Variants in KCNMB2 observed in about 807,000 individuals in gnomAD.
The protein encoded by KCNMB2 is calcium-activated potassium channel subunit beta-2.
In KCNMB2, 9 loss-of-function variants were observed where a neutral mutation model predicts 24.5. The ratio of observed to expected loss-of-function variants is 0.37; its 90% CI spans 0.22 to 0.64. KCNMB2 has a LOEUF of 0.64. Among genes scored for constraint, KCNMB2 ranks in the 30% least tolerant of loss-of-function variants. The pLI is 0.63. For missense variants in KCNMB2, 226 were observed against 284.3 expected (o/e 0.79, Z 1.47); for synonymous variants, 109 against 104.4 (o/e 1.04, Z -0.27).
intron 1 of KCNMB2, among the ~76,000 whole-genome samples, chr3:178,765,081 C>T (rs986833600): frequency 6.6e-6 from 1 of 152,198 alleles, no homozygotes; most frequent in Admixed American, 6.5e-5. Flanking sequence ...ACAGTGTGAA[C>T]ACATCCAAGC....
chr3:178,698,643 G>C (rs1721971415), intron 1 of KCNMB2, among the ~76,000 whole-genome samples: 1 of 152,176 alleles, frequency 6.6e-6, no homozygotes, highest in Non-Finnish European at 1.5e-5. Flanking sequence ...GCTCAGTTCA[G>C]AACCCTTGCC....
chr3:178,617,151 GAATT>G (rs748800536), intron 1 of KCNMB2, among the ~76,000 whole-genome samples: 4 of 152,236 alleles, frequency 2.6e-5, no homozygotes, highest in Admixed American at 6.5e-5. Flanking sequence ...CTACCACTCA[GAATT>G]AATTATTACT....
intron 1 of KCNMB2, among the ~76,000 whole-genome samples, chr3:178,615,122 G>C (rs1718658339): frequency 6.6e-6 from 1 of 152,226 alleles, no homozygotes; most frequent in African/African-American, 2.4e-5. Context: ...AAAGCAAACA[G>C]AGTCTCTTTC....
At chr3:178,634,951 C>T (rs1320440885) in intron 1 of KCNMB2, among the ~76,000 whole-genome samples, 1 of 152,112 alleles carries the variant, frequency 6.6e-6, no homozygotes, top group Admixed American at 6.5e-5. Context: ...TGCAAGGGTA[C>T]AAGTCTGAGT....
intron 1 of KCNMB2, among the ~76,000 whole-genome samples, chr3:178,647,798 G>A (rs1042218253): frequency 3.9e-5 from 6 of 152,062 alleles, no homozygotes; most frequent in African/African-American, 1.4e-4. Flanking sequence ...ACGTGGACAC[G>A]ATTCTGGACA....
At chr3:178,574,934 G>A (rs1466803182) in intron 1 of KCNMB2, among the ~76,000 whole-genome samples, 2 of 152,056 alleles carry the variant, frequency 1.3e-5, no homozygotes, top group South Asian at 4.1e-4. Context: ...CAGGCATGGT[G>A]GTGCATACCT....
chr3:178,576,244 C>G (rs983901858), intron 1 of KCNMB2, among the ~76,000 whole-genome samples: 1 of 151,964 alleles, frequency 6.6e-6, no homozygotes, highest in Admixed American at 6.6e-5. Context: ...GCACAAGAGG[C>G]TGGGGAACTC....
chr3:178,810,946 G>C (rs1714167603), intron 2 of KCNMB2, among the ~76,000 whole-genome samples: 1 of 145,250 alleles, frequency 6.9e-6, no homozygotes, highest in Non-Finnish European at 1.5e-5. Flanking sequence ...TAGAGACGGG[G>C]CTTCACCATG....
chr3:178,542,819 A>G (rs1323453122), intron 1 of KCNMB2, among the ~76,000 whole-genome samples: 1 of 152,206 alleles, frequency 6.6e-6, no homozygotes, highest in African/African-American at 2.4e-5. Flanking sequence ...ATAATGGAGT[A>G]TTAGAAAACC....
At chr3:178,809,672 T>C (rs372605605) in intron 2 of KCNMB2, among the ~76,000 whole-genome samples, 3 of 152,240 alleles carry the variant, frequency 2.0e-5, no homozygotes, top group African/African-American at 7.2e-5. Flanking sequence ...AGTTGGATAT[T>C]GCATATCAAA....
intron 1 of KCNMB2, among the ~76,000 whole-genome samples, chr3:178,759,874 CTA>C (rs1235431108): frequency 6.8e-4 from 2 of 2,928 alleles, no homozygotes; most frequent in Non-Finnish European, 1.1e-3. Flanking sequence ...GAGGATATAT[CTA>C]TATATATATA....
At chr3:178,646,461 C>T (rs1027423931) in intron 1 of KCNMB2, among the ~76,000 whole-genome samples, 3 of 152,172 alleles carry the variant, frequency 2.0e-5, no homozygotes, top group Admixed American at 6.5e-5. Context: ...ACAGACTGAA[C>T]CTCTCAGGGA....
At chr3:178,768,027 T>G (rs1430228696) in intron 1 of KCNMB2, among the ~76,000 whole-genome samples, 1 of 152,172 alleles carries the variant, frequency 6.6e-6, no homozygotes, top group Non-Finnish European at 1.5e-5. Context: ...AGTCTTTTTT[T>G]TTTTTCCAGG....
intron 1 of KCNMB2, among the ~76,000 whole-genome samples, chr3:178,633,605 T>A (rs1439113999): frequency 6.6e-6 from 1 of 152,162 alleles, no homozygotes; most frequent in East Asian, 1.9e-4. Flanking sequence ...GGTGGGCACC[T>A]GTACCTGCCC....
chr3:178,754,823 T>C (rs1468677752), intron 1 of KCNMB2, among the ~76,000 whole-genome samples: 2 of 152,214 alleles, frequency 1.3e-5, no homozygotes, highest in Non-Finnish European at 2.9e-5. Context: ...CTGGTTGGGA[T>C]GGCATAGACC....
At chr3:178,691,566 T>C (rs1461510983) in intron 1 of KCNMB2, among the ~76,000 whole-genome samples, 1 of 152,176 alleles carries the variant, frequency 6.6e-6, no homozygotes, top group East Asian at 1.9e-4. Flanking sequence ...GCTCCATCCA[T>C]GTCCCTGAAA....
intron 1 of KCNMB2, among the ~76,000 whole-genome samples, chr3:178,550,992 C>T (rs117854070): frequency 1.3e-5 from 2 of 152,196 alleles, no homozygotes; most frequent in East Asian, 3.9e-4. Context: ...GATTTTGGCT[C>T]TGAATTCAAT....
chr3:178,776,439 G>T (rs1367331026), intron 1 of KCNMB2, among the ~76,000 whole-genome samples: 1 of 152,120 alleles, frequency 6.6e-6, no homozygotes, highest in Non-Finnish European at 1.5e-5. Flanking sequence ...AGTTTCATCT[G>T]CTCTAATTTA....
chr3:178,588,137 A>G (rs561189245), intron 1 of KCNMB2, among the ~76,000 whole-genome samples: 108 of 152,196 alleles, frequency 7.1e-4, no homozygotes, highest in African/African-American at 2.5e-3. Context: ...AAGAGATGGC[A>G]GGTAACAGAG....
Sources: gnomAD v4.1 joint callset for allele counts (sites outside exome capture counted in the v4.1 genomes callset) on GRCh38, gnomAD v4.1.1 for gene constraint, MANE v1.5 for transcripts, NCBI Gene and HGNC (gene_info 2026-07-23, HGNC 2026-07-21) for gene names.